Variants in NAMPT observed in about 807,000 individuals in gnomAD.
NAMPT encodes the protein NAmPRTase.
Under a neutral mutation model 58.7 loss-of-function variants are expected in NAMPT, and 7 were observed. That is an observed-to-expected ratio of 0.12 (90% confidence interval 0.07 to 0.22). The LOEUF (loss-of-function observed/expected upper bound fraction) is 0.22. Ranked by LOEUF, NAMPT falls within the 10% of genes least tolerant of loss-of-function variation. NAMPT has a pLI of 1.00. For synonymous variants in NAMPT, 145 were observed against 198.1 expected (o/e 0.73, Z 2.25); for missense variants, 271 against 567.9 (o/e 0.48, Z 5.31).
At chr7:106,264,294 A>T (rs1280472363) in intron 6 of NAMPT, among the ~76,000 whole-genome samples, 1 of 152,090 alleles carries the variant, frequency 6.6e-6, no homozygotes, top group Non-Finnish European at 1.5e-5. Flanking sequence ...ATTAAGATGG[A>T]AAATAAAGTA....
intron 9 of NAMPT, 173 bp from the exon 10 acceptor site, chr7:106,253,324 T>A: frequency 1.6e-6 from 1 of 636,474 alleles, no homozygotes; most frequent in South Asian, 2.1e-5. Flanking sequence ...TTAGCCTGTT[T>A]TGAAGGATAG....
chr7:106,254,973 A>G lies in NAMPT; in HGVS notation c.1090-469T>C, dbSNP rs1173937165. On this transcript the variant is annotated intron_variant, in intron 8 of 10. Coordinates refer to ENST00000222553, the MANE Select transcript of NAMPT (RefSeq NM_005746.3). The stretch of plus-strand genomic sequence containing the variant: ...CATGTCATATGTAATGGAACATGTA[A>G]GAATCAAAGATATTGGTGGCAAAAG... Among the ~76,000 whole-genome samples, 5 of 152,330 alleles carry G rather than the reference A, an allele frequency of 3.3e-5. No homozygotes were observed. In the East Asian group the frequency reaches 9.6e-4, roughly 29 times the overall value.
At chr7:106,280,729 C>T (rs997360473) in intron 1 of NAMPT, among the ~76,000 whole-genome samples, 1 of 152,110 alleles carries the variant, frequency 6.6e-6, no homozygotes, top group African/African-American at 2.4e-5. Flanking sequence ...ATCACGAGGT[C>T]GGGAGATGGA....
At chr7:106,257,205 C>T (rs1387708364) in intron 8 of NAMPT, among the ~76,000 whole-genome samples, 2 of 151,512 alleles carry the variant, frequency 1.3e-5, no homozygotes, top group African/African-American at 4.9e-5. Context: ...TAACACAAAA[C>T]GATTCAATCC....
intron 6 of NAMPT, among the ~76,000 whole-genome samples, chr7:106,267,805 C>G: frequency 8.3e-6 from 1 of 120,756 alleles, no homozygotes; most frequent in South Asian, 2.7e-4. Flanking sequence ...CCCGCCACTG[C>G]ACTCCAGCCT....
chr7:106,272,178 T>G (rs1792547932), intron 4 of NAMPT: 1 of 315,546 alleles, frequency 3.2e-6, no homozygotes, highest in Non-Finnish European at 6.4e-6. Context: ...ACTTGAACAT[T>G]TATCATTCAT....
In NAMPT at chr7:106,272,657, T is replaced by C. The variant is rs560322699; in HGVS notation, c.320A>G (p.Lys107Arg). 11 of 1,612,804 alleles carry C rather than the reference T, an allele frequency of 6.8e-6. No individual in the cohort carries two copies. The South Asian group carries it at 7.7e-5, about 11-fold the overall frequency. Residue 107 changes from lysine to arginine, a missense_variant and splice_region_variant, in exon 4 of 11, where the codon AAG (lysine) becomes AGG (arginine). Around this residue, in one of 4 missense-constraint regions of NAMPT, gnomAD observed 103 missense variants for 194.2 expected, o/e 0.53. Coordinates refer to ENST00000222553, the MANE Select transcript of NAMPT (RefSeq NM_005746.3). ...TTCTATTGGAAGATGCCCATCATAC[T>C]TCTGGCAGGATAAAATGATAAATTT... ...NEKGWNYILE[K>R]YDGHLPIEIK...
chr7:106,262,408 A>C (rs1425719178), intron 7 of NAMPT, among the ~76,000 whole-genome samples: 3 of 152,128 alleles, frequency 2.0e-5, no homozygotes, highest in Admixed American at 6.5e-5. Context: ...AACAAAGAGA[A>C]AATTCCCCAT....
At chr7:106,272,138 T>C (rs558137681) in intron 4 of NAMPT, 4 of 369,952 alleles carry the variant, frequency 1.1e-5, no homozygotes, top group Non-Finnish European at 1.6e-5. Context: ...AAGTAGTTAC[T>C]AGAAGTTGGA....
chr7:106,282,893 G>C, intron 1 of NAMPT, among the ~76,000 whole-genome samples: 1 of 152,056 alleles, frequency 6.6e-6, no homozygotes, highest in Admixed American at 6.6e-5. Flanking sequence ...TTCTAAATAA[G>C]TTTCATTACT....
chr7:106,283,197 T>C (rs1349361279), intron 1 of NAMPT, among the ~76,000 whole-genome samples: 3 of 152,142 alleles, frequency 2.0e-5, no homozygotes, highest in East Asian at 1.9e-4. Flanking sequence ...GACTTGAAAG[T>C]TGACAGAAGT....
rs1327574470 is a variant in NAMPT, at chr7:106,250,425, C to G, written c.*658G>C. 6.6e-6 allele frequency: 1 copy of G among 152,482 alleles called. No homozygotes were observed. Among genetic ancestry groups the G allele is most frequent in the Non-Finnish European group, 1.5e-5 (1 of 67,976 alleles). The allele number at this position is 152,482 out of a possible 1,614,324, so 9.4% of individuals were successfully genotyped here. On this transcript the variant is annotated 3_prime_UTR_variant, in exon 11 of 11. Coordinates refer to ENST00000222553, the MANE Select transcript of NAMPT (RefSeq NM_005746.3). The stretch of plus-strand genomic sequence containing the variant: ...AATAACTGTACAGTGCCTAGACATT[C>G]CAGTAAGAACCATTATTTTCTTTAA...
At chr7:106,271,679 C>T (rs994210038) in intron 4 of NAMPT, among the ~76,000 whole-genome samples, 2 of 151,812 alleles carry the variant, frequency 1.3e-5, no homozygotes, top group East Asian at 1.9e-4. Context: ...TTTCAAACAC[C>T]CTCTTGGACC....
In NAMPT at chr7:106,277,158, G is replaced by T; in HGVS notation, c.79C>A (p.Pro27Thr). The T allele has an allele frequency of 6.2e-7, 1 of 1,611,568 alleles. No homozygotes were observed. Among genetic ancestry groups the T allele is most frequent in the Non-Finnish European group, 8.5e-7 (1 of 1,178,242 alleles). The change falls in exon 2 of 11, where the codon CCA becomes ACA. Residue 27 changes from proline to threonine, a missense_variant. Transcript: ENST00000222553. ...SYKVTHYKQY[P>T]PNTSKVYSYF... ...GAATAAACTTTGCTTGTGTTGGGTGGATATTGTTTATAGTGAGTAACCTAT... is the reference window on the plus strand; with the variant it reads ...GAATAAACTTTGCTTGTGTTGGGTGTATATTGTTTATAGTGAGTAACCTAT...
chr7:106,285,282 A>C, upstream of NAMPT: 1 of 729,962 alleles, frequency 1.4e-6, no homozygotes, highest in Non-Finnish European at 1.7e-6. Flanking sequence ...AGCTGGAGGC[A>C]GCGGGGCAGC....
intron 1 of NAMPT, among the ~76,000 whole-genome samples, chr7:106,283,653 T>TG (rs1792807378): frequency 1.3e-5 from 2 of 152,204 alleles, no homozygotes; most frequent in Non-Finnish European, 2.9e-5. Flanking sequence ...TACTTGATAG[T>TG]GTTCGGATTT....
chr7:106,252,823 A>C (rs1792126837), intron 10 of NAMPT, among the ~76,000 whole-genome samples, 194 bp downstream of exon 10: 1 of 152,138 alleles, frequency 6.6e-6, no homozygotes, highest in South Asian at 2.1e-4. Context: ...CTATGTATAC[A>C]CAGGCCCCGT....
intron 6 of NAMPT, 115 bp from the exon 7 acceptor site, chr7:106,263,732 G>A (rs1792357612): frequency 1.3e-6 from 1 of 800,002 alleles, no homozygotes; most frequent in Non-Finnish European, 2.1e-6. Context: ...CACAGAGAAG[G>A]TGAGTGACTT....
chr7:106,265,734 C>A (rs1792397424), intron 6 of NAMPT, among the ~76,000 whole-genome samples: 1 of 152,130 alleles, frequency 6.6e-6, no homozygotes, highest in Admixed American at 6.5e-5. Flanking sequence ...CTAGTCCAAT[C>A]ATAACCTCTA....
Sources: allele counts gnomAD v4.1 joint callset (sites outside exome capture counted in the v4.1 genomes callset), GRCh38; gene constraint gnomAD v4.1.1; regional missense constraint gnomAD v4.1.1; transcripts MANE v1.5; gene names NCBI Gene and HGNC (gene_info 2026-07-23, HGNC 2026-07-21).